SORCS1: variants seen among roughly 807,000 people sequenced by gnomAD.
SORCS1 encodes VPS10 domain-containing receptor SorCS1.
SORCS1 carries 60 observed loss-of-function variants against 146.1 expected under a neutral mutation model. That is an observed-to-expected ratio of 0.41 (90% CI 0.33 to 0.51). The LOEUF is 0.51. SORCS1 is among the 20% of genes least tolerant of loss of function. SORCS1 has a pLI of 0.21. For synonymous variants in SORCS1, 637 were observed against 584.0 expected, an observed-to-expected ratio of 1.09 and a Z score of -1.31; for missense variants, 1,352 against 1,487.6, an observed-to-expected ratio of 0.91 and a Z score of 1.50.
chr10:106,651,144 C>T (rs754742372), intron 18 of SORCS1, among the ~76,000 whole-genome samples: 1 of 152,192 alleles, frequency 6.6e-6, no homozygotes, highest in African/African-American at 2.4e-5. Flanking sequence ...GTTACACAGT[C>T]TGTAAATGGC....
chr10:107,115,226 AT>A (rs1178148142), intron 1 of SORCS1, among the ~76,000 whole-genome samples: 1 of 151,886 alleles, frequency 6.6e-6, no homozygotes, highest in Non-Finnish European at 1.5e-5. Context: ...TTCCAATGAC[AT>A]TTTTCATGAA....
At chr10:107,093,957 C>G (rs1964379605) in intron 1 of SORCS1, among the ~76,000 whole-genome samples, 2 of 152,112 alleles carry the variant, frequency 1.3e-5, no homozygotes, top group South Asian at 4.2e-4. Flanking sequence ...GGACCGCTAT[C>G]CCCCAGAAGC....
chr10:106,650,512 C>T (rs1270919881), intron 18 of SORCS1, among the ~76,000 whole-genome samples: 1 of 152,150 alleles, frequency 6.6e-6, no homozygotes, highest in Non-Finnish European at 1.5e-5. Context: ...TGAAATACCT[C>T]AGGGAGGAAA....
chr10:106,648,583 G>A (rs999143081), intron 18 of SORCS1, among the ~76,000 whole-genome samples: 2 of 151,938 alleles, frequency 1.3e-5, no homozygotes, highest in African/African-American at 4.8e-5. Context: ...TTGTGTGTGT[G>A]TCTCTGTCTG....
At chr10:106,668,838 G>C (rs1453228004) in intron 16 of SORCS1, among the ~76,000 whole-genome samples, 1 of 152,122 alleles carries the variant, frequency 6.6e-6, no homozygotes, top group Non-Finnish European at 1.5e-5. Context: ...GAGAGGGACA[G>C]GCAAGGTCAT....
chr10:107,015,280 T>C (rs1284538651), intron 1 of SORCS1, among the ~76,000 whole-genome samples: 1 of 152,168 alleles, frequency 6.6e-6, no homozygotes, highest in Non-Finnish European at 1.5e-5. Context: ...AGAAAATAGA[T>C]GGGCCTTACT....
At chr10:106,976,841 T>C (rs113116776) in intron 1 of SORCS1, among the ~76,000 whole-genome samples, 7,535 of 152,222 alleles carry the variant, frequency 0.05, 571 homozygotes, top group African/African-American at 0.17. Context: ...CTTCCAGCTT[T>C]ATCTGTGTCC....
At chr10:106,969,153 T>C (rs1955648462) in intron 1 of SORCS1, among the ~76,000 whole-genome samples, 2 of 152,268 alleles carry the variant, frequency 1.3e-5, no homozygotes, top group Non-Finnish European at 2.9e-5. Flanking sequence ...AAGTGATTTT[T>C]ATATATTCCT....
intron 23 of SORCS1, chr10:106,600,132 T>G: frequency 1.0e-5 from 2 of 193,756 alleles, no homozygotes; most frequent in Non-Finnish European, 1.9e-5. Context: ...TCTCTTCAAG[T>G]GAGATATACC....
chr10:106,817,397 C>T (rs1947796165), intron 3 of SORCS1, among the ~76,000 whole-genome samples: 1 of 152,162 alleles, frequency 6.6e-6, no homozygotes, highest in Admixed American at 6.5e-5. Context: ...AGATGAAGTA[C>T]TAATCATTGG....
intron 2 of SORCS1, among the ~76,000 whole-genome samples, chr10:106,916,575 T>TATAC (rs370054736): frequency 5.3e-4 from 75 of 142,832 alleles, no homozygotes; most frequent in African/African-American, 1.5e-3. Flanking sequence ...TGCATATATA[T>TATAC]ACACACACAC....
At chr10:106,865,038 G>T (rs1312398055) in intron 2 of SORCS1, among the ~76,000 whole-genome samples, 1 of 150,062 alleles carries the variant, frequency 6.7e-6, no homozygotes, top group African/African-American at 2.5e-5. Context: ...TGCTGTTTTG[G>T]TGACTTAGCT....
chr10:106,851,994 CTTGT>C (rs1173424576), intron 2 of SORCS1, among the ~76,000 whole-genome samples: 4 of 152,024 alleles, frequency 2.6e-5, no homozygotes, highest in East Asian at 1.9e-4. Context: ...TCAAATTCTG[CTTGT>C]TTGTTACTAG....
chr10:106,703,712 T>C (rs1013298253), intron 8 of SORCS1, among the ~76,000 whole-genome samples: 1 of 152,220 alleles, frequency 6.6e-6, no homozygotes, highest in Non-Finnish European at 1.5e-5. Flanking sequence ...TGAAGCTTTG[T>C]TCATTTCCAG....
At chr10:106,593,142 A>G (rs891388522) in intron 24 of SORCS1, among the ~76,000 whole-genome samples, 5 of 151,892 alleles carry the variant, frequency 3.3e-5, no homozygotes, top group African/African-American at 9.7e-5. Flanking sequence ...AAAAAAAAAA[A>G]AAAGAAACAA....
chr10:106,974,925 A>G (rs79176045), intron 1 of SORCS1, among the ~76,000 whole-genome samples: 28,863 of 152,172 alleles, frequency 0.19, 3,296 homozygotes, highest in Middle Eastern at 0.31. Flanking sequence ...TTAAATTGTC[A>G]ATGCCACAAA....
rs1475781155 is a variant in SORCS1 at position 107,101,122 on chromosome 10, C to T, written c.558+62847G>A. On this transcript the variant is annotated intron_variant, in intron 1 of 25. Coordinates refer to ENST00000263054, the MANE Select transcript of SORCS1 (RefSeq NM_052918.5). ...TTGCCCAGGCTGGAGTGCAATGGCG[C>T]GATCTCGGCTCACTGCAACCTCCAT... Among the ~76,000 whole-genome samples the T allele has an allele frequency of 4.6e-5, 7 of 152,100 alleles. No individual in the cohort carries two copies. The East Asian group carries it at 5.8e-4, about 13-fold the overall frequency.
chr10:107,087,155 G>T (rs1963823730), intron 1 of SORCS1, among the ~76,000 whole-genome samples: 1 of 152,134 alleles, frequency 6.6e-6, no homozygotes, highest in South Asian at 2.1e-4. Context: ...GTCCGTCTTG[G>T]GGTTGTCTTT....
chr10:106,925,591 C>T (rs191707927), intron 2 of SORCS1, among the ~76,000 whole-genome samples: 271 of 152,322 alleles, frequency 1.8e-3, no homozygotes, highest in Middle Eastern at 0.01. Flanking sequence ...TCACTGTTCC[C>T]TCCACTTAAC....
Sources: gnomAD v4.1 joint callset for allele counts (sites outside exome capture counted in the v4.1 genomes callset) on GRCh38, gnomAD v4.1.1 for gene constraint, MANE v1.5 for transcripts, NCBI Gene and HGNC (gene_info 2026-07-23, HGNC 2026-07-21) for gene names.